USP26: variants seen among roughly 807,000 people sequenced by gnomAD.
USP26 encodes the protein ubiquitin carboxyl-terminal hydrolase 26.
For missense variants in USP26, 649 were observed against 642.3 expected (o/e 1.01, Z -0.11); for synonymous variants, 236 against 240.6 (o/e 0.98, Z 0.18).
chrX:133,031,423 T>C (rs940118958), intron 5 of USP26, among the ~76,000 whole-genome samples: 1 of 112,148 alleles, frequency 8.9e-6, no homozygotes, highest in African/African-American at 3.2e-5. Flanking sequence ...GAAATGATCA[T>C]AGAACTCTCT....
chrX:133,092,190 A>C lies in USP26; in HGVS notation c.-392-747T>G, dbSNP rs2067609956. Among the ~76,000 whole-genome samples, 3 of 111,899 alleles carry C rather than the reference A, an allele frequency of 2.7e-5. No homozygotes were observed. The South Asian group carries it at 1.1e-3, about 41-fold the overall frequency. ...CTTCAGAGGTTTGATTGTCCCTTCA[A>C]AATAAACTATAGTTCATCTTGCTTT... On this transcript the variant is annotated intron_variant, in intron 1 of 5. Coordinates refer to ENST00000511190, the MANE Select transcript of USP26 (RefSeq NM_031907.3).
chrX:133,059,959 G>A (rs941220519), intron 5 of USP26, among the ~76,000 whole-genome samples: 2 of 112,084 alleles, frequency 1.8e-5, no homozygotes, highest in Non-Finnish European at 3.8e-5. Context: ...CTGCTCTGTT[G>A]AAATGCAGCC....
chrX:133,030,792 A>C (rs1385260721), intron 5 of USP26, among the ~76,000 whole-genome samples: 2 of 112,357 alleles, frequency 1.8e-5, no homozygotes, highest in African/African-American at 6.5e-5. Context: ...TAAAAATAAG[A>C]AAACGAGACA....
chrX:133,053,955 G>A (rs1416019066), intron 5 of USP26, among the ~76,000 whole-genome samples: 1 of 111,619 alleles, frequency 9.0e-6, no homozygotes, highest in African/African-American at 3.3e-5. Context: ...AGGCTGGGAG[G>A]GCACATTCCA....
intron 5 of USP26, among the ~76,000 whole-genome samples, chrX:133,071,614 T>G (rs1410429129): frequency 9.0e-6 from 1 of 111,685 alleles, no homozygotes; most frequent in Non-Finnish European, 1.9e-5. Context: ...AACAACATAA[T>G]TAATTATTAT....
At chrX:133,028,839 G>A (rs776839891) in intron 5 of USP26, among the ~76,000 whole-genome samples, 1 of 111,829 alleles carries the variant, frequency 8.9e-6, no homozygotes, top group South Asian at 3.8e-4. Flanking sequence ...TCTCATATAT[G>A]GGCCACTCAA....
intron 4 of USP26, among the ~76,000 whole-genome samples, chrX:133,084,574 T>C (rs181272872): frequency 1.7e-4 from 17 of 97,515 alleles, no homozygotes; most frequent in Non-Finnish European, 3.3e-4. Flanking sequence ...GGTGCAGTGG[T>C]GCGATCTCGG....
At chrX:133,044,045 G>C (rs773810724) in intron 5 of USP26, among the ~76,000 whole-genome samples, 9 of 112,515 alleles carry the variant, frequency 8.0e-5, no homozygotes, top group South Asian at 3.7e-4. Context: ...AAAAAGCTCA[G>C]GCACTTGACC....
At chrX:133,075,774 A>G (rs1382628060) in intron 5 of USP26, among the ~76,000 whole-genome samples, 1 of 111,939 alleles carries the variant, frequency 8.9e-6, no homozygotes, top group Middle Eastern at 4.2e-3. Context: ...TGTTTTAAAT[A>G]CAGCTATTTT....
intron 5 of USP26, among the ~76,000 whole-genome samples, chrX:133,066,048 T>G: frequency 9.0e-6 from 1 of 111,647 alleles, no homozygotes; most frequent in Middle Eastern, 4.7e-3. Context: ...GAAATGAATG[T>G]GCAAAAATCA....
chrX:133,047,310 G>T (rs2067444096), intron 5 of USP26, among the ~76,000 whole-genome samples: 1 of 112,003 alleles, frequency 8.9e-6, no homozygotes, highest in Admixed American at 9.5e-5. Context: ...AAACCTAATA[G>T]TATGTCTATT....
chrX:133,078,301 C>T (rs1320456233), intron 5 of USP26, among the ~76,000 whole-genome samples: 2 of 111,205 alleles, frequency 1.8e-5, no homozygotes, highest in African/African-American at 6.6e-5. Flanking sequence ...CCCAGTCTGA[C>T]GTATCCCTTT....
chrX:133,039,685 G>T (rs2067410513), intron 5 of USP26, among the ~76,000 whole-genome samples: 1 of 111,745 alleles, frequency 8.9e-6, no homozygotes, highest in African/African-American at 3.3e-5. Context: ...GGGGTGGAGA[G>T]TTCTGTAGAT....
chrX:133,062,074 G>T (rs930852327), intron 5 of USP26, among the ~76,000 whole-genome samples: 1 of 111,688 alleles, frequency 9.0e-6, no homozygotes, highest in Non-Finnish European at 1.9e-5. Context: ...CGAGCTTGGC[G>T]TGGGGAGGGG....
chrX:133,073,440 G>A (rs1426784874), intron 5 of USP26, among the ~76,000 whole-genome samples: 1 of 109,165 alleles, frequency 9.2e-6, no homozygotes, highest in Non-Finnish European at 1.9e-5. Flanking sequence ...GAAAATAAGT[G>A]CCTAAGAAAC....
intron 1 of USP26, among the ~76,000 whole-genome samples, chrX:133,092,238 A>C (rs1210733793): frequency 2.7e-5 from 3 of 111,935 alleles, no homozygotes; most frequent in Non-Finnish European, 3.8e-5. Context: ...TAGGGGAATT[A>C]TATATTAAGC....
chrX:133,043,256 G>A (rs2067425935), intron 5 of USP26, among the ~76,000 whole-genome samples: 1 of 112,063 alleles, frequency 8.9e-6, no homozygotes, highest in South Asian at 3.7e-4. Flanking sequence ...TGAGATTGTA[G>A]GAAGTTTTAG....
chrX:133,028,838 T>C (rs2067365840), intron 5 of USP26, among the ~76,000 whole-genome samples: 1 of 112,080 alleles, frequency 8.9e-6, no homozygotes, highest in Non-Finnish European at 1.9e-5. Flanking sequence ...ATCTCATATA[T>C]GGGCCACTCA....
At chrX:133,035,781 T>C (rs1297390113) in intron 5 of USP26, among the ~76,000 whole-genome samples, 2 of 110,920 alleles carry the variant, frequency 1.8e-5, no homozygotes, top group Non-Finnish European at 3.8e-5. Context: ...AGGTAAAGAG[T>C]AGAAACAAGA....
Sources: allele counts gnomAD v4.1 joint callset (sites outside exome capture counted in the v4.1 genomes callset), GRCh38; gene constraint gnomAD v4.1.1; transcripts MANE v1.5; gene names NCBI Gene and HGNC (gene_info 2026-07-23, HGNC 2026-07-21).